The following ARHGAP22 variants were observed in gnomAD, a reference collection of about 807,000 sequenced individuals.
The protein encoded by ARHGAP22 is Rho GTPase activating protein 22, also known as rho GTPase-activating protein 22.
Under a neutral mutation model 59.1 loss-of-function variants are expected in ARHGAP22, and 48 were observed. That is an observed-to-expected ratio of 0.81 (90% CI 0.64 to 1.03). The LOEUF is 1.03. Ranked by LOEUF, ARHGAP22 falls within the 50% of genes least tolerant of loss-of-function variation. The pLI, the probability that ARHGAP22 is intolerant of heterozygous loss-of-function variation, is 0.00. For missense variants in ARHGAP22, 1,015 were observed against 958.7 expected (o/e 1.06, Z -0.78); for synonymous variants, 445 against 416.4 (o/e 1.07, Z -0.84).
intron 9 of ARHGAP22, among the ~76,000 whole-genome samples, chr10:48,448,861 A>G (rs937540938): frequency 6.6e-6 from 1 of 152,198 alleles, no homozygotes; most frequent in African/African-American, 2.4e-5. Context: ...CAATGCGAGC[A>G]GCAAAGTTTC....
chr10:48,448,980 G>A (rs1589397090), intron 9 of ARHGAP22, among the ~76,000 whole-genome samples: 1 of 152,198 alleles, frequency 6.6e-6, no homozygotes, highest in African/African-American at 2.4e-5. Flanking sequence ...TGGTGGAGCT[G>A]GGACTAGAAT....
chr10:48,484,694 TTG>T (rs1231054543), intron 3 of ARHGAP22, among the ~76,000 whole-genome samples: 1 of 152,250 alleles, frequency 6.6e-6, no homozygotes, highest in East Asian at 1.9e-4. Flanking sequence ...CTTTACTAGT[TTG>T]TGTCTTTCAA....
rs560583623 is a variant in ARHGAP22 at position 48,639,813 on chromosome 10, AG to A, written c.52+12420del. On this transcript the variant is annotated intron_variant, in intron 1 of 9. Coordinates refer to the ARHGAP22 transcript ENST00000435790. ...CACTTTCTAACAACCAAAAAACAAA[AG>A]GGAAGTACAAAGGAAAAGTGTGACT... 5.9e-5 allele frequency among the ~76,000 whole-genome samples: 9 copies of A among 152,340 alleles called. No individual in the cohort carries two copies. In the South Asian group the frequency reaches 1.9e-3, roughly 32 times the overall value.
chr10:48,454,726 G>C (rs1376873208), intron 6 of ARHGAP22, among the ~76,000 whole-genome samples: 1 of 152,166 alleles, frequency 6.6e-6, no homozygotes, highest in East Asian at 1.9e-4. Flanking sequence ...CCAGAGCTGG[G>C]CACACCGGAC....
At chr10:48,459,608 AG>A in intron 5 of ARHGAP22, 75 bp downstream of exon 5, 2 of 1,531,228 alleles carry the variant, frequency 1.3e-6, no homozygotes, top group East Asian at 4.5e-5. Flanking sequence ...TGCCCACTGG[AG>A]CTGGTGTCCT....
At chr10:48,541,744 G>T (rs1054903671) in intron 3 of ARHGAP22, among the ~76,000 whole-genome samples, 1 of 152,190 alleles carries the variant, frequency 6.6e-6, no homozygotes, top group Non-Finnish European at 1.5e-5. Flanking sequence ...CAGTCCTATT[G>T]GTGGGACACT....
At chr10:48,471,279 C>T (rs892685240) in intron 4 of ARHGAP22, among the ~76,000 whole-genome samples, 8 of 152,216 alleles carry the variant, frequency 5.3e-5, no homozygotes, top group Non-Finnish European at 1.2e-4. Flanking sequence ...CATGCCCCGC[C>T]CCAGCACCAA....
At chr10:48,625,814 T>C (rs2061431510) in intron 1 of ARHGAP22, among the ~76,000 whole-genome samples, 1 of 152,030 alleles carries the variant, frequency 6.6e-6, no homozygotes, top group Non-Finnish European at 1.5e-5. Flanking sequence ...TCAGCTTCCA[T>C]GCTTCCAGGG....
intron 1 of ARHGAP22, among the ~76,000 whole-genome samples, chr10:48,643,282 A>G (rs1325580191): frequency 1.3e-5 from 2 of 152,178 alleles, no homozygotes; most frequent in Non-Finnish European, 2.9e-5. Flanking sequence ...ATAAAGACAC[A>G]TGCACACGCC....
the ARHGAP22 span, chr10:48,436,263 TA>T: frequency 2.6e-5 from 4 of 152,238 alleles, no homozygotes; most frequent in Admixed American, 6.5e-5. Flanking sequence ...CTAAGTCTTT[TA>T]TTTTTTTATA....
Position 48,459,854 on chromosome 10 carries a change from G to T in ARHGAP22, c.489C>A (p.His163Gln). The stretch of plus-strand genomic sequence containing the variant: ...CCAGGCGGGGGCCATACTTCCGCTC[G>T]TGGTGGACTGTTTCCTCTAGGCGCT... ...FGQRLEETVH[H>Q]ERKYGPRLAP... is the part of the protein sequence containing the mutation. Residue 163 changes from histidine (H) to glutamine (Q), a missense_variant, in exon 5 of 10, where the codon CAC (histidine) becomes CAA (glutamine). His to Gln is a conservative substitution (Grantham distance 24). Transcript: ENST00000249601. 1 of 1,613,162 alleles carries T rather than the reference G, an allele frequency of 6.2e-7. No homozygotes were observed. Among genetic ancestry groups the T allele is most frequent in the South Asian group, 1.1e-5 (1 of 91,084 alleles).
intron 1 of ARHGAP22, among the ~76,000 whole-genome samples, chr10:48,635,021 T>G (rs751470348): frequency 3.3e-5 from 5 of 152,030 alleles, no homozygotes; most frequent in Non-Finnish European, 7.4e-5. Flanking sequence ...AAAAAATACA[T>G]GTATGTTGTG....
chr10:48,609,662 C>A (rs909329211), upstream of ARHGAP22, among the ~76,000 whole-genome samples: 1 of 152,202 alleles, frequency 6.6e-6, no homozygotes, highest in Non-Finnish European at 1.5e-5. Flanking sequence ...GCCTCTTGAA[C>A]TTTGATGCAT....
At chr10:48,591,799 G>T (rs539466401) in intron 1 of ARHGAP22, among the ~76,000 whole-genome samples, 1 of 152,198 alleles carries the variant, frequency 6.6e-6, no homozygotes, top group African/African-American at 2.4e-5. Context: ...CCTTGAGCCT[G>T]GGAGGCAGAG....
intron 1 of ARHGAP22, among the ~76,000 whole-genome samples, chr10:48,614,317 G>A (rs1241098736): frequency 6.6e-6 from 1 of 152,210 alleles, no homozygotes; most frequent in East Asian, 1.9e-4. Flanking sequence ...ATTTGGCAAA[G>A]GAGAGTTGTT....
intron 4 of ARHGAP22, among the ~76,000 whole-genome samples, chr10:48,464,117 T>C (rs771348879): frequency 2.6e-5 from 4 of 152,170 alleles, no homozygotes; most frequent in African/African-American, 4.8e-5. Context: ...GGCCCCACTC[T>C]AGGAATTAGA....
upstream of ARHGAP22, chr10:48,656,102 CG>C (rs1010961493): frequency 2.0e-5 from 3 of 152,518 alleles, no homozygotes; most frequent in African/African-American, 7.2e-5. Flanking sequence ...CGCCGCCCGG[CG>C]GCAGCTCTTG....
intron 3 of ARHGAP22, 40 bp from the exon 4 acceptor site, chr10:48,479,804 C>A: frequency 6.6e-7 from 1 of 1,515,004 alleles, no homozygotes; most frequent in Non-Finnish European, 8.9e-7. Flanking sequence ...AGGGTCCCTG[C>A]CCGCAGCACA....
At chr10:48,441,130 C>T (rs1010111300), downstream of ARHGAP22, among the ~76,000 whole-genome samples, 2 of 152,212 alleles carry the variant, frequency 1.3e-5, no homozygotes, top group Non-Finnish European at 2.9e-5. Context: ...GGTTTGCTCC[C>T]TCACCTGCCT....
Sources: gnomAD v4.1 joint callset for allele counts (sites outside exome capture counted in the v4.1 genomes callset) on GRCh38, gnomAD v4.1.1 for gene constraint, MANE v1.5 for transcripts, NCBI Gene and HGNC (gene_info 2026-07-23, HGNC 2026-07-21) for gene names.